TPO: variants seen among roughly 807,000 people sequenced by gnomAD.
The protein encoded by TPO is thyroid microsomal antigen.
In TPO, 78 loss-of-function variants were observed where a neutral mutation model predicts 96.9. That is an observed-to-expected ratio of 0.81 (90% confidence interval 0.67 to 0.97). The LOEUF (loss-of-function observed/expected upper bound fraction) is 0.97. Among genes scored for constraint, TPO ranks in the 50% least tolerant of loss-of-function variants. TPO has a pLI of 0.00. For synonymous variants in TPO, 547 were observed against 538.0 expected, an observed-to-expected ratio of 1.02 and a Z score of -0.23; for missense variants, 1,252 against 1,274.8, an observed-to-expected ratio of 0.98 and a Z score of 0.27.
At chr2:1,536,958 C>CCCA (rs1558439351) in intron 15 of TPO, among the ~76,000 whole-genome samples, 2 of 86,646 alleles carry the variant, frequency 2.3e-5, no homozygotes, top group Non-Finnish European at 4.5e-5. Context: ...CTCAAATCCC[C>CCCA]CTGTGTGCAA....
chr2:1,495,838 C>A, intron 11 of TPO, 151 bp from the exon 12 acceptor site: 1 of 837,176 alleles, frequency 1.2e-6, no homozygotes. Flanking sequence ...AGGTCCTCAG[C>A]GCCTGCACCT....
At position 1,454,627 on chromosome 2, in the gene TPO, C is replaced by G. The variant is rs28909412; in HGVS notation, c.612+804C>G. On this transcript the variant is annotated intron_variant, in intron 6 of 16. Coordinates refer to ENST00000329066, the MANE Select transcript of TPO (RefSeq NM_001206744.2). ...AGCAGGGACAAGGCAATTGGGCTCA[C>G]GCTCTGCTCCCACTGGCTTCCTGCA... Among the ~76,000 whole-genome samples the G allele has an allele frequency of 5.8e-3, 885 of 152,282 alleles. 15 individuals carry two copies. Among genetic ancestry groups the G allele is most frequent in the African/African-American group, 0.02 (820 of 41,560 alleles).
chr2:1,391,219 A>G (rs1473340794), intron 1 of TPO, among the ~76,000 whole-genome samples: 1 of 152,204 alleles, frequency 6.6e-6, no homozygotes, highest in East Asian at 1.9e-4. Flanking sequence ...AGATGTAAGG[A>G]AAGGATCCAG....
intron 3 of TPO, among the ~76,000 whole-genome samples, chr2:1,428,016 A>G (rs1043819594): frequency 4.6e-5 from 7 of 152,202 alleles, no homozygotes; most frequent in African/African-American, 7.2e-5. Context: ...AGCGATCCAG[A>G]GAATTCGTGG....
chr2:1,452,225 G>A (rs953179505), intron 5 of TPO, among the ~76,000 whole-genome samples: 1 of 152,062 alleles, frequency 6.6e-6, no homozygotes, highest in South Asian at 2.1e-4. Context: ...TAATAAGCAC[G>A]GATCTATGAC....
At chr2:1,504,681 C>G (rs1429783948) in intron 14 of TPO, among the ~76,000 whole-genome samples, 1 of 152,216 alleles carries the variant, frequency 6.6e-6, no homozygotes, top group Non-Finnish European at 1.5e-5. Flanking sequence ...ATTTACTCCC[C>G]TGAAAATTGT....
At chr2:1,536,640 AT>A (rs1481544922) in intron 15 of TPO, among the ~76,000 whole-genome samples, 1 of 5,218 alleles carries the variant, frequency 1.9e-4, no homozygotes. Flanking sequence ...ACCTCCCCAA[AT>A]CCCCCCCCCC....
chr2:1,466,411 A>T (rs1483541051), intron 7 of TPO, among the ~76,000 whole-genome samples: 1 of 152,140 alleles, frequency 6.6e-6, no homozygotes, highest in Non-Finnish European at 1.5e-5. Flanking sequence ...TTACAGAATG[A>T]TTTAGGAAGG....
In TPO at chr2:1,452,526, A is replaced by AT. The variant is rs1667399733; in HGVS notation, c.483-1163dup. ...ACAGTTCAGCAGCAACCCTGTGATTATTTTTACCTTTGCAGATGGAAGGTG... is the reference window on the plus strand; with the variant it reads ...ACAGTTCAGCAGCAACCCTGTGATTATTTTTTACCTTTGCAGATGGAAGGTG... On this transcript the variant is annotated intron_variant, in intron 5 of 16. Coordinates refer to ENST00000329066, the MANE Select transcript of TPO (RefSeq NM_001206744.2). Among the ~76,000 whole-genome samples, 4 of 152,194 alleles carry AT rather than the reference A, an allele frequency of 2.6e-5. No individual in the cohort carries two copies. In the South Asian group the frequency reaches 8.3e-4, roughly 32 times the overall value.
rs992979285 is a variant in TPO at position 1,516,758 on chromosome 2, C to T, written c.2519-125C>T. 3.6e-6 allele frequency: 3 copies of T among 832,802 alleles called. No homozygotes were observed. In the African/African-American group the frequency reaches 5.0e-5, roughly 14 times the overall value. 51.6% of individuals were successfully genotyped at this position (832,802 alleles called of 1,614,324 possible). ...TGGGCAGATAAATGTCCCTCCCTCC[C>T]TGCGTCATGCTGTGGGGTGAAGGCC... On this transcript the variant is annotated intron_variant, in intron 14 of 16. Transcript: ENST00000329066.
chr2:1,404,722 C>T (rs1365708625), intron 1 of TPO, among the ~76,000 whole-genome samples: 3 of 152,260 alleles, frequency 2.0e-5, no homozygotes, highest in Non-Finnish European at 4.4e-5. Flanking sequence ...TTAAACCACC[C>T]AGTCTGTGGT....
chr2:1,426,469 A>T (rs1664408028), intron 3 of TPO, among the ~76,000 whole-genome samples: 2 of 152,146 alleles, frequency 1.3e-5, no homozygotes, highest in Non-Finnish European at 2.9e-5. Flanking sequence ...AGATGCCGGG[A>T]TACAGAGATG....
At chr2:1,455,083 C>G (rs954526347) in intron 6 of TPO, among the ~76,000 whole-genome samples, 3 of 152,134 alleles carry the variant, frequency 2.0e-5, no homozygotes, top group Admixed American at 2.0e-4. Context: ...CACCTCCTTC[C>G]AAGCCGGCAA....
intron 9 of TPO, among the ~76,000 whole-genome samples, chr2:1,485,896 A>G (rs1671114812): frequency 6.6e-6 from 1 of 150,532 alleles, no homozygotes; most frequent in Non-Finnish European, 1.5e-5. Flanking sequence ...CTGTGCAGAA[A>G]CTCTTTAATT....
At chr2:1,417,091 C>G (rs968242662) in intron 2 of TPO, among the ~76,000 whole-genome samples, 1 of 152,270 alleles carries the variant, frequency 6.6e-6, no homozygotes, top group Admixed American at 6.5e-5. Flanking sequence ...TCTCACGTCC[C>G]AGGTCTTTAC....
Position 1,478,451 on chromosome 2 carries a change from C to T in TPO, c.1338+847C>T, listed in dbSNP as rs564196151. The T allele has an allele frequency of 2.5e-4, 237 of 964,944 alleles. No homozygotes were observed. In the African/African-American group the frequency reaches 3.9e-3, roughly 16 times the overall value. 59.8% of individuals were successfully genotyped at this position (964,944 alleles called of 1,614,324 possible). A position where few individuals can be genotyped will look rare whatever the true frequency, so the allele number is the denominator to read the frequency against. On this transcript the variant is annotated intron_variant, in intron 8 of 16. Transcript: ENST00000329066. Reference sequence around the variant, plus strand: ...CTAAAGGAGGCACTGGAGCCTTGTCCGAGGAGGCACAGGGGCTGTGTGTGG... The same window carrying T: ...CTAAAGGAGGCACTGGAGCCTTGTCTGAGGAGGCACAGGGGCTGTGTGTGG...
chr2:1,488,254 T>C (rs1049998625), intron 10 of TPO, among the ~76,000 whole-genome samples: 1 of 152,054 alleles, frequency 6.6e-6, no homozygotes, highest in African/African-American at 2.4e-5. Flanking sequence ...CCGCTTCTAG[T>C]AGAGGGAGGA....
chr2:1,519,412 C>A (rs1217638162), intron 15 of TPO, among the ~76,000 whole-genome samples: 3 of 152,150 alleles, frequency 2.0e-5, no homozygotes, highest in Non-Finnish European at 4.4e-5. Flanking sequence ...ATTCCACATG[C>A]CAGGGCTGTT....
At chr2:1,426,490 T>G (rs1664410538) in intron 3 of TPO, among the ~76,000 whole-genome samples, 1 of 152,178 alleles carries the variant, frequency 6.6e-6, no homozygotes, top group Admixed American at 6.5e-5. Flanking sequence ...AGTTCGATCA[T>G]TTCATATCCT....
Sources: allele counts gnomAD v4.1 joint callset (sites outside exome capture counted in the v4.1 genomes callset), GRCh38; gene constraint gnomAD v4.1.1; transcripts MANE v1.5; gene names NCBI Gene and HGNC (gene_info 2026-07-23, HGNC 2026-07-21).